Variants in AKNAD1 observed in about 807,000 individuals in gnomAD.
AKNAD1 encodes the protein AKNA domain containing 1, also known as protein AKNAD1.
AKNAD1 carries 67 observed loss-of-function variants against 90.8 expected under a neutral mutation model. That is an observed-to-expected ratio of 0.74 (90% confidence interval 0.61 to 0.90). The LOEUF (loss-of-function observed/expected upper bound fraction) is 0.90. Ranked by LOEUF, AKNAD1 falls within the 40% of genes least tolerant of loss-of-function variation. AKNAD1 has a pLI of 0.00. For missense variants in AKNAD1, 957 were observed against 975.4 expected, an observed-to-expected ratio of 0.98 and a Z score of 0.25; for synonymous variants, 327 against 341.4, an observed-to-expected ratio of 0.96 and a Z score of 0.46.
At chr1:108,816,344 C>T in intron 15 of AKNAD1, 42 bp from the exon 16 acceptor site, 3 of 1,574,196 alleles carry the variant, frequency 1.9e-6, no homozygotes, top group Non-Finnish European at 2.6e-6. Flanking sequence ...CATAAACTAA[C>T]TGCTGTTTCT....
intron 6 of AKNAD1, among the ~76,000 whole-genome samples, chr1:108,840,392 A>C (rs372713770): frequency 1.7e-4 from 26 of 152,342 alleles, no homozygotes; most frequent in East Asian, 5.8e-4. Flanking sequence ...AAAATGTGTA[A>C]AATCTGCATG....
intron 7 of AKNAD1, chr1:108,836,618 C>A (rs557017170): frequency 6.6e-6 from 1 of 152,224 alleles, no homozygotes; most frequent in Non-Finnish European, 1.5e-5. Flanking sequence ...GAAGGGCTAA[C>A]CTTGACATAA....
chr1:108,827,741 G>A (rs1664053208), intron 10 of AKNAD1, among the ~76,000 whole-genome samples: 1 of 149,830 alleles, frequency 6.7e-6, no homozygotes, highest in South Asian at 2.1e-4. Flanking sequence ...GGGAACCCGG[G>A]AGGCGGAGCT....
At chr1:108,834,317 C>A (rs544382719) in intron 9 of AKNAD1, 130 bp downstream of exon 9, 6 of 734,012 alleles carry the variant, frequency 8.2e-6, no homozygotes, top group Admixed American at 5.4e-5. Flanking sequence ...CACTGACACC[C>A]AGGATGCCAT....
rs774351104 is a variant in AKNAD1, at chr1:108,852,249, G to A, written c.416C>T (p.Ala139Val). The A allele has an allele frequency of 8.1e-5, 131 of 1,613,668 alleles. No homozygotes were observed. Among genetic ancestry groups the A allele is most frequent in the Non-Finnish European group, 1.0e-4 (123 of 1,179,928 alleles). ...DCETLPEISNADSFEEEAIIK... is the reference protein window; with the variant it reads ...DCETLPEISNVDSFEEEAIIK... ...AATAGCTTCCTCTTCAAAACTGTCG[G>A]CATTTGAGATCTCTGGGAGGGTTTC... The change falls in exon 2 of 16, where the codon GCC (alanine) becomes GTC (valine). Residue 139 changes from alanine (A) to valine (V), a missense_variant. Physicochemically the swap from Ala to Val is moderately conservative, Grantham distance 64. Transcript: ENST00000370001.
rs76523124 is a variant in AKNAD1 at position 108,831,720 on chromosome 1, G to A, written c.1747-1070C>T. On this transcript the variant is annotated intron_variant, in intron 9 of 15. Transcript: ENST00000370001. ...GTGCAGTGGCCTAATCTCAGCTCCC[G>A]GGTTCAAGCAATTCTTCTGGCTCAG... Among the ~76,000 whole-genome samples the A allele has an allele frequency of 3.2e-3, 388 of 121,750 alleles. 7 individuals carry two copies. In the East Asian group the frequency reaches 0.042, roughly 13 times the overall value. 79.9% of individuals were successfully genotyped at this position (121,750 alleles called of 152,430 possible).
At chr1:108,835,352 T>C (rs1016197495) in intron 7 of AKNAD1, among the ~76,000 whole-genome samples, 1 of 152,180 alleles carries the variant, frequency 6.6e-6, no homozygotes, top group Admixed American at 6.5e-5. Flanking sequence ...CCAGGAGTAA[T>C]GTACTCACTG....
rs190125386 is a variant in AKNAD1 at position 108,827,317 on chromosome 1, A to C, written c.1839-15T>G. 6.3e-7 allele frequency: 1 copy of C among 1,575,834 alleles called. No homozygotes were observed. The highest frequency in any genetic ancestry group is 1.7e-5 in the Admixed American group (1 of 59,184). ...CGTTTTGCTTCCTAAAAAAAGGTGC[A>C]TAAGATCCTGTAAACTTTTAGTGCA... On this transcript the variant is annotated splice_polypyrimidine_tract_variant and intron_variant, in intron 10 of 15. Transcript: ENST00000370001.
At chr1:108,831,788 A>G (rs1261486723) in intron 9 of AKNAD1, among the ~76,000 whole-genome samples, 1 of 151,694 alleles carries the variant, frequency 6.6e-6, no homozygotes, top group African/African-American at 2.4e-5. Flanking sequence ...CACTACCCCC[A>G]GCTAATTTTT....
rs557088855 is a variant in AKNAD1, at chr1:108,844,776, T to C, written c.1246-1509A>G. Among the ~76,000 whole-genome samples, 13 of 152,226 alleles carry C rather than the reference T, an allele frequency of 8.5e-5. No individual in the cohort carries two copies. The East Asian group carries it at 2.1e-3, about 25-fold the overall frequency. On this transcript the variant is annotated intron_variant, in intron 5 of 15. Transcript: ENST00000370001. ...TATAAAAACTAAATGAGATAATGCA[T>C]TGTGCCAGGACTATAGTACATACTT...
chr1:108,848,222 C>A (rs150707947), intron 5 of AKNAD1, among the ~76,000 whole-genome samples: 2 of 152,292 alleles, frequency 1.3e-5, no homozygotes, highest in East Asian at 3.9e-4. Flanking sequence ...ATTGCTCCAC[C>A]CCCTTCCCAT....
At chr1:108,851,651 A>G (rs1320926381) in intron 2 of AKNAD1, 21 bp downstream of exon 2, 2 of 1,558,164 alleles carry the variant, frequency 1.3e-6, no homozygotes, top group East Asian at 2.2e-5. Flanking sequence ...TAATGTGTTT[A>G]CAGGAGACTG....
chr1:108,852,050 A>G lies in AKNAD1; in HGVS notation c.615T>C (p.Asp205=), dbSNP rs758609000. The G allele has an allele frequency of 6.8e-6, 11 of 1,614,084 alleles. 1 individual carries two copies. The highest frequency in any genetic ancestry group is 9.3e-6 in the Non-Finnish European group (11 of 1,179,984). The change falls in exon 2 of 16, where the codon GAT becomes GAC. Residue 205 remains aspartate, a synonymous_variant. Coordinates refer to ENST00000370001, the MANE Select transcript of AKNAD1 (RefSeq NM_152763.5). ...SDLEGPVAAG[D]SSHQENVNVL... ...CATTCACATTTTCTTGATGGCTGCT[A>G]TCTCCAGCAGCCACTGGCCCTTCTA...
rs760996666 is a variant in AKNAD1, at chr1:108,817,042, C to A, written c.2379+6G>T. ...ATGCTTCTCGAATGATTTTCTAAGTCCTCACCTCAGATTTTATTTCTTCAG... is the reference window on the plus strand; with the variant it reads ...ATGCTTCTCGAATGATTTTCTAAGTACTCACCTCAGATTTTATTTCTTCAG... On this transcript the variant is annotated splice_donor_region_variant and intron_variant, in intron 15 of 15. Transcript: ENST00000370001. The A allele has an allele frequency of 1.9e-6, 3 of 1,613,734 alleles. No individual in the cohort carries two copies. Among genetic ancestry groups the A allele is most frequent in the Non-Finnish European group, 2.5e-6 (3 of 1,179,832 alleles).
At position 108,820,681 on chromosome 1, in the gene AKNAD1, G is replaced by T. The variant is rs114274376; in HGVS notation, c.2168-55C>A. 1.8e-3 allele frequency: 1,804 copies of T among 987,454 alleles called. 23 individuals carry two copies. In the African/African-American group the frequency reaches 0.026, roughly 14 times the overall value. The allele number at this position is 987,454 out of a possible 1,614,324, so 61.2% of individuals were successfully genotyped here. A position where few individuals can be genotyped will look rare whatever the true frequency, so the allele number is the denominator to read the frequency against. Reference sequence around the variant, plus strand: ...GAGTATCAAAAATGAGCCCCAAATGGTGCCTATGTATCATTCCTTGAACTT... The same window carrying T: ...GAGTATCAAAAATGAGCCCCAAATGTTGCCTATGTATCATTCCTTGAACTT... On this transcript the variant is annotated intron_variant, in intron 13 of 15. Transcript: ENST00000370001.
intron 15 of AKNAD1, 45 bp from the exon 16 acceptor site, chr1:108,816,347 C>T (rs1163787596): frequency 1.3e-6 from 2 of 1,568,872 alleles, no homozygotes; most frequent in East Asian, 2.3e-5. Flanking sequence ...AAACTAACTG[C>T]TGTTTCTGTT....
intron 6 of AKNAD1, among the ~76,000 whole-genome samples, chr1:108,839,471 T>TAAAAAAAAAAAAGAAAAAAAAAAAAAAA (rs3044857): frequency 6.3e-5 from 8 of 126,112 alleles, no homozygotes; most frequent in African/African-American, 2.4e-4. Flanking sequence ...TCCGTCTCAA[T>TAAAAAAAAAAAAGAAAAAAAAAAAAAAA]AAAAAAAAAA....
chr1:108,854,914 A>T (rs1664986848), intron 1 of AKNAD1, among the ~76,000 whole-genome samples: 1 of 152,170 alleles, frequency 6.6e-6, no homozygotes, highest in African/African-American at 2.4e-5. Flanking sequence ...TTTTCTGAGA[A>T]ATAGGACTAG....
At chr1:108,836,352 C>T (rs555906227) in intron 7 of AKNAD1, among the ~76,000 whole-genome samples, 18 of 152,230 alleles carry the variant, frequency 1.2e-4, no homozygotes, top group African/African-American at 2.6e-4. Flanking sequence ...TATGAAGCAT[C>T]GACTCTCCTG....
Sources: gnomAD v4.1 joint callset for allele counts (sites outside exome capture counted in the v4.1 genomes callset) on GRCh38, gnomAD v4.1.1 for gene constraint, MANE v1.5 for transcripts, NCBI Gene and HGNC (gene_info 2026-07-23, HGNC 2026-07-21) for gene names.